Variants in ANKS1B observed in about 807,000 individuals in gnomAD.
ANKS1B encodes ankyrin repeat and sterile alpha motif domain-containing protein 1B.
A neutral mutation model predicts 148.3 loss-of-function variants in ANKS1B; 36 were observed. That is an observed-to-expected ratio of 0.24 (90% CI 0.19 to 0.32). The LOEUF is 0.32. Ranked by LOEUF, ANKS1B falls within the 10% of genes least tolerant of loss-of-function variation. The pLI, the probability that ANKS1B is intolerant of heterozygous loss-of-function variation, is 1.00. For synonymous variants in ANKS1B, 542 were observed against 560.8 expected (o/e 0.97, Z 0.47); for missense variants, 1,157 against 1,542.6 (o/e 0.75, Z 4.19).
intron 22 of ANKS1B, among the ~76,000 whole-genome samples, chr12:98,796,755 C>T (rs540671540): frequency 6.6e-6 from 1 of 152,016 alleles, no homozygotes; most frequent in Admixed American, 6.6e-5. Context: ...CAGAAAAATG[C>T]CCCCCAAAAC....
chr12:98,834,686 T>C (rs1020059866), intron 17 of ANKS1B, among the ~76,000 whole-genome samples: 1 of 152,204 alleles, frequency 6.6e-6, no homozygotes, highest in African/African-American at 2.4e-5. Context: ...TTTGCATATC[T>C]GGAAATTTCA....
intron 1 of ANKS1B, among the ~76,000 whole-genome samples, chr12:99,918,784 A>G (rs958037936): frequency 6.6e-6 from 1 of 152,230 alleles, no homozygotes; most frequent in Non-Finnish European, 1.5e-5. Flanking sequence ...TATTATTTTA[A>G]TACAGGTTTC....
chr12:98,884,528 G>A (rs1397729195), intron 17 of ANKS1B, among the ~76,000 whole-genome samples: 6 of 152,106 alleles, frequency 3.9e-5, no homozygotes, highest in Admixed American at 2.0e-4. Context: ...GGCCGGGCGC[G>A]GTGGCTCACG....
chr12:99,316,574 T>G (rs543912110), intron 12 of ANKS1B, among the ~76,000 whole-genome samples: 2 of 152,330 alleles, frequency 1.3e-5, no homozygotes, highest in East Asian at 3.9e-4. Context: ...TATTAGCCCT[T>G]TGTCAGATGA....
chr12:99,470,977 A>G (rs2096232844), intron 10 of ANKS1B, among the ~76,000 whole-genome samples: 1 of 152,116 alleles, frequency 6.6e-6, no homozygotes, highest in Non-Finnish European at 1.5e-5. Context: ...AAGAGATCTT[A>G]CATGTTATAA....
At chr12:99,152,800 T>C (rs2075290692) in intron 15 of ANKS1B, among the ~76,000 whole-genome samples, 1 of 152,094 alleles carries the variant, frequency 6.6e-6, no homozygotes, top group Admixed American at 6.6e-5. Flanking sequence ...AAATGTACAG[T>C]AAACATAAAT....
At chr12:99,456,239 G>A (rs1359747288) in intron 10 of ANKS1B, among the ~76,000 whole-genome samples, 1 of 152,208 alleles carries the variant, frequency 6.6e-6, no homozygotes, top group East Asian at 1.9e-4. Context: ...CATATCAAGA[G>A]AGCACCCCAT....
intron 8 of ANKS1B, among the ~76,000 whole-genome samples, chr12:99,741,728 C>T (rs1175652666): frequency 6.6e-6 from 1 of 151,900 alleles, no homozygotes; most frequent in East Asian, 1.9e-4. Flanking sequence ...GGGAACATCA[C>T]ACACTGGGGC....
At chr12:98,738,702 A>T (rs552756336) in intron 9 of ANKS1B, among the ~76,000 whole-genome samples, 1 of 152,256 alleles carries the variant, frequency 6.6e-6, no homozygotes, top group African/African-American at 2.4e-5. Flanking sequence ...CTTGTAAGTC[A>T]CCTGTCAGTC....
intron 1 of ANKS1B, among the ~76,000 whole-genome samples, chr12:99,834,997 T>A (rs2084606411): frequency 6.6e-6 from 1 of 152,182 alleles, no homozygotes; most frequent in Non-Finnish European, 1.5e-5. Context: ...CATATGTACA[T>A]ATGCTACTGA....
intron 9 of ANKS1B, among the ~76,000 whole-genome samples, chr12:99,654,382 A>C (rs1291063932): frequency 2.0e-5 from 3 of 152,188 alleles, no homozygotes; most frequent in Admixed American, 6.5e-5. Flanking sequence ...TCTTAACATT[A>C]TACCCTTTCA....
chr12:99,082,196 T>C (rs1386604482), intron 16 of ANKS1B, among the ~76,000 whole-genome samples: 1 of 151,640 alleles, frequency 6.6e-6, no homozygotes, highest in Non-Finnish European at 1.5e-5. Context: ...TTCCTGAGGG[T>C]GAGATGGAAA....
At chr12:98,903,422 G>C (rs1311297906) in intron 17 of ANKS1B, among the ~76,000 whole-genome samples, 1 of 152,114 alleles carries the variant, frequency 6.6e-6, no homozygotes, top group Non-Finnish European at 1.5e-5. Context: ...AACCAAGACT[G>C]TTGGAACTAC....
chr12:99,389,447 A>C (rs1489871080), intron 12 of ANKS1B, among the ~76,000 whole-genome samples: 1 of 152,234 alleles, frequency 6.6e-6, no homozygotes, highest in African/African-American at 2.4e-5. Flanking sequence ...CCATAGCACC[A>C]ACCTGGGAAT....
At chr12:99,455,613 G>A (rs945322149) in intron 10 of ANKS1B, among the ~76,000 whole-genome samples, 11 of 152,164 alleles carry the variant, frequency 7.2e-5, no homozygotes, top group African/African-American at 2.7e-4. Context: ...GCTGTGGGCT[G>A]TGTGGGAGTT....
intron 12 of ANKS1B, among the ~76,000 whole-genome samples, chr12:99,284,401 T>C (rs1422217778): frequency 6.6e-6 from 1 of 152,182 alleles, no homozygotes; most frequent in Non-Finnish European, 1.5e-5. Flanking sequence ...GACAATAAAA[T>C]GAGCTGCATT....
intron 1 of ANKS1B, among the ~76,000 whole-genome samples, chr12:99,835,612 A>C (rs189326331): frequency 6.6e-6 from 1 of 152,156 alleles, no homozygotes; most frequent in Non-Finnish European, 1.5e-5. Flanking sequence ...TCTTTTTTGT[A>C]CTGTTTTCAA....
At chr12:99,647,525 CT>C (rs2098382326) in intron 9 of ANKS1B, among the ~76,000 whole-genome samples, 2 of 152,018 alleles carry the variant, frequency 1.3e-5, no homozygotes, top group Non-Finnish European at 2.9e-5. Flanking sequence ...ACCTCTAACC[CT>C]TTTGAAAGCA....
At chr12:98,991,633 C>T (rs1049282714) in intron 17 of ANKS1B, among the ~76,000 whole-genome samples, 3 of 152,180 alleles carry the variant, frequency 2.0e-5, no homozygotes, top group Admixed American at 2.0e-4. Flanking sequence ...GCTACACAAT[C>T]TGGTAACCTA....
Sources: allele counts gnomAD v4.1 joint callset (sites outside exome capture counted in the v4.1 genomes callset), GRCh38; gene constraint gnomAD v4.1.1; transcripts MANE v1.5; gene names NCBI Gene and HGNC (gene_info 2026-07-23, HGNC 2026-07-21).